The following NYAP1 variants were observed in gnomAD, a reference collection of about 807,000 sequenced individuals.
NYAP1 encodes neuronal tyrosine-phosphorylated phosphoinositide-3-kinase adapter 1.
NYAP1 carries 20 observed loss-of-function variants against 58.6 expected under a neutral mutation model. The ratio of observed to expected loss-of-function variants is 0.34; its 90% confidence interval spans 0.24 to 0.50. NYAP1 has a LOEUF of 0.50. NYAP1 is among the 20% of genes least tolerant of loss of function. The pLI is 0.98. For missense variants in NYAP1, 1,150 were observed against 1,194.5 expected (o/e 0.96, Z 0.55); for synonymous variants, 572 against 523.1 (o/e 1.09, Z -1.27).
At position 100,490,137 on chromosome 7, in the gene NYAP1, C is replaced by A. The variant is rs901660858; in HGVS notation, c.1946-380C>A. Among the ~76,000 whole-genome samples the A allele has an allele frequency of 6.6e-6, 1 of 152,274 alleles. No individual in the cohort carries two copies. The highest frequency in any genetic ancestry group is 2.4e-5 in the African/African-American group (1 of 41,548). ...GCAGCCCTTCCCCCCAGCGCTCCCC[C>A]TTCTGGGCTCAGGAATTGGGATTCT... On this transcript the variant is annotated intron_variant, in intron 4 of 6. Coordinates refer to ENST00000300179, the MANE Select transcript of NYAP1 (RefSeq NM_173564.4). The surrounding 1 kb of genome is among the most constrained non-coding windows in gnomAD (Gnocchi z 4.6).
At position 100,493,760 on chromosome 7, in the gene NYAP1, G is replaced by A; in HGVS notation, c.2383G>A (p.Ala795Thr). Residue 795 changes from alanine to threonine, a missense_variant, in exon 7 of 7, where the codon GCG becomes ACG. By Grantham distance (58) the Ala-to-Thr change is moderately conservative (BLOSUM62 0). Transcript: ENST00000300179. The stretch of plus-strand genomic sequence containing the variant: ...GCGCTGCGTGTGCAAGGAGATCAAG[G>A]CGCGCCACCGCCCGGACCGAGGCCT... ...RKRCVCKEIK[A>T]RHRPDRGLCK... 1 of 1,605,752 alleles carries A rather than the reference G, an allele frequency of 6.2e-7. No homozygotes were observed.
In NYAP1 at chr7:100,494,302, T is replaced by G; in HGVS notation, c.*399T>G. On this transcript the variant is annotated 3_prime_UTR_variant, in exon 7 of 7. Transcript: ENST00000300179. The stretch of plus-strand genomic sequence containing the variant: ...AGTGCCAGATGGAGGAGCTCTTTTC[T>G]AGAGAGCCGGGAGTTGGGGAGGGGG... The G allele has an allele frequency of 2.2e-5, 4 of 178,342 alleles. No homozygotes were observed. Among genetic ancestry groups the G allele is most frequent in the Non-Finnish European group, 4.6e-5 (4 of 86,348 alleles). 11.0% of individuals were successfully genotyped at this position (178,342 alleles called of 1,614,324 possible).
rs755674246 is a variant in NYAP1, at chr7:100,493,780, A to T, written c.2403A>T (p.Arg801=). Residue 801 remains arginine (R), a synonymous_variant, in exon 7 of 7, where the codon CGA becomes CGT. Coordinates refer to ENST00000300179, the MANE Select transcript of NYAP1 (RefSeq NM_173564.4). ...TCAAGGCGCGCCACCGCCCGGACCG[A>T]GGCCTCTGCAAGCAGGAGAGCATGC... ...KEIKARHRPD[R]GLCKQESMPI... The T allele has an allele frequency of 6.2e-7, 1 of 1,605,318 alleles. No homozygotes were observed. Among genetic ancestry groups the T allele is most frequent in the South Asian group, 1.1e-5 (1 of 90,420 alleles).
chr7:100,489,823 TAGAC>T (rs1037048692), intron 4 of NYAP1, among the ~76,000 whole-genome samples, 157 bp downstream of exon 4: 16 of 151,768 alleles, frequency 1.1e-4, no homozygotes, highest in East Asian at 5.8e-4. Flanking sequence ...GGGTGGGCGA[TAGAC>T]AGAAAGACCG....
chr7:100,487,053 G>T lies in NYAP1; in HGVS notation c.301G>T (p.Ala101Ser). The change falls in exon 3 of 7, where the codon GCC (alanine) becomes TCC (serine). Residue 101 changes from alanine (A) to serine (S), a missense_variant. Transcript: ENST00000300179. The surrounding 1 kb of genome is among the most constrained non-coding windows in gnomAD (Gnocchi z 4.1). ...CAGTGTCGGGGGTGGCCCTGGCGGGGCCAGTGGGGGCCTCACAGAGGACAG... is the reference window on the plus strand; with the variant it reads ...CAGTGTCGGGGGTGGCCCTGGCGGGTCCAGTGGGGGCCTCACAGAGGACAG... ...MDSVGGGPGG[A>S]SGGLTEDSST... is the part of the protein sequence containing the mutation. 6.2e-7 allele frequency: 1 copy of T among 1,600,850 alleles called. No homozygotes were observed.
At position 100,490,710 on chromosome 7, in the gene NYAP1, C is replaced by T. The variant is rs151023536; in HGVS notation, c.2139C>T (p.Pro713=). ...TGCCCATTCCCTGCCAGACCTTCCC[C>T]GCCTGCCACCGCAATGGAGGTGACG... ...TALPIPCQTF[P]ACHRNGDFTG... Residue 713 remains proline (P), a synonymous_variant, in exon 5 of 7, where the codon CCC becomes CCT. Transcript: ENST00000300179. This position sits in a 1 kb window ranked among gnomAD's most constrained non-coding sequence, Gnocchi z 4.6. The T allele has an allele frequency of 5.1e-4, 775 of 1,516,044 alleles. 4 individuals carry two copies. The African/African-American group carries it at 9.3e-3, about 18-fold the overall frequency. The allele number at this position is 1,516,044 out of a possible 1,614,324, so 93.9% of individuals were successfully genotyped here. A position where few individuals can be genotyped will look rare whatever the true frequency, so the allele number is the denominator to read the frequency against.
rs141533724 is a variant in NYAP1 at position 100,488,528 on chromosome 7, G to C, written c.807G>C (p.Pro269=). Residue 269 remains proline, a synonymous_variant, in exon 4 of 7, where the codon CCG becomes CCC. Transcript: ENST00000300179. The surrounding 1 kb of genome is among the most constrained non-coding windows in gnomAD (Gnocchi z 5.9). ...ATGAAGAGATGAAGTACCCGCTGCCGGAAGAGGCTGGGGAAGGCCGGGCCA... is the reference window on the plus strand; with the variant it reads ...ATGAAGAGATGAAGTACCCGCTGCCCGAAGAGGCTGGGGAAGGCCGGGCCA... ...AIYEEMKYPL[P]EEAGEGRANG... is the part of the protein sequence containing the mutation. 15 of 1,612,242 alleles carry C rather than the reference G, an allele frequency of 9.3e-6. No individual in the cohort carries two copies. The highest frequency in any genetic ancestry group is 1.0e-5 in the Non-Finnish European group (12 of 1,179,828).
chr7:100,493,803 T>C lies in NYAP1; in HGVS notation c.2426T>C (p.Met809Thr), dbSNP rs2131071521. Residue 809 changes from methionine to threonine, a missense_variant, in exon 7 of 7, where the codon ATG becomes ACG. Met to Thr is a moderately conservative substitution (Grantham distance 81). Transcript: ENST00000300179. ...CGAGGCCTCTGCAAGCAGGAGAGCA[T>C]GCCCATCCTCCCCAGCTGGCGGCGG... ...PDRGLCKQES[M>T]PILPSWRRGP... 6 of 1,598,864 alleles carry C rather than the reference T, an allele frequency of 3.8e-6. No homozygotes were observed. Among genetic ancestry groups the C allele is most frequent in the Non-Finnish European group, 5.1e-6 (6 of 1,175,590 alleles).
chr7:100,490,926 G>A lies in NYAP1; in HGVS notation c.2159-60G>A, dbSNP rs1799787243. ...GGACCATTCAAGGGCAGGGGACTGG[G>A]AACTAGGGGAGGGGTACCTGAGGCC... On this transcript the variant is annotated intron_variant, in intron 5 of 6. Coordinates refer to ENST00000300179, the MANE Select transcript of NYAP1 (RefSeq NM_173564.4). This position sits in a 1 kb window ranked among gnomAD's most constrained non-coding sequence, Gnocchi z 4.6. 13 of 1,199,564 alleles carry A rather than the reference G, an allele frequency of 1.1e-5. 1 individual carries two copies. In the South Asian group the frequency reaches 1.7e-4, roughly 16 times the overall value. The allele number at this position is 1,199,564 out of a possible 1,614,324, so 74.3% of individuals were successfully genotyped here.
intron 6 of NYAP1, 36 bp from the exon 7 acceptor site, chr7:100,493,610 A>ACCCGC (rs1298517386): frequency 2.0e-6 from 3 of 1,530,296 alleles, no homozygotes; most frequent in Non-Finnish European, 2.6e-6. Flanking sequence ...CCCCGACCTT[A>ACCCGC]CCCGCGTTTT....
In NYAP1 at chr7:100,487,530, C is replaced by G. The variant is rs983457777; in HGVS notation, c.430+348C>G. 6.6e-6 allele frequency among the ~76,000 whole-genome samples: 1 copy of G among 151,794 alleles called. No individual in the cohort carries two copies. Among genetic ancestry groups the G allele is most frequent in the South Asian group, 2.1e-4 (1 of 4,788 alleles). ...CACTTTTTTTTTTTTGAGACAGAGTCTCGCTCTGTTGCCCAGGCAGGAGTG... is the reference window on the plus strand; with the variant it reads ...CACTTTTTTTTTTTTGAGACAGAGTGTCGCTCTGTTGCCCAGGCAGGAGTG... On this transcript the variant is annotated intron_variant, in intron 3 of 6. Coordinates refer to ENST00000300179, the MANE Select transcript of NYAP1 (RefSeq NM_173564.4). This position sits in a 1 kb window ranked among gnomAD's most constrained non-coding sequence, Gnocchi z 4.1.
chr7:100,491,029 C>CGGA lies in NYAP1; in HGVS notation c.2204_2206dup (p.Gly735dup). 6.4e-7 allele frequency: 1 copy of CGGA among 1,559,206 alleles called. No homozygotes were observed. The highest frequency in any genetic ancestry group is 8.7e-7 in the Non-Finnish European group (1 of 1,151,360). ...GCCTGGGGCGCTCCGCCTCCACCTC[C>CGGA]GGAGTCCGGCAGGTCGTGCTCCACA... On this transcript the variant is annotated inframe_insertion, in exon 6 of 7. Transcript: ENST00000300179.
rs1563190820 is a variant in NYAP1 at position 100,493,907 on chromosome 7, G to A, written c.*4G>A. 1 of 1,439,022 alleles carries A rather than the reference G, an allele frequency of 6.9e-7. No homozygotes were observed. The highest frequency in any genetic ancestry group is 9.1e-7 in the Non-Finnish European group (1 of 1,102,046). 89.1% of individuals were successfully genotyped at this position (1,439,022 alleles called of 1,614,324 possible). ...CCTCTGGGACACCGCCATCTGAGGC[G>A]GGCGGGGGGGTACCGGGGCGCCTGG... On this transcript the variant is annotated 3_prime_UTR_variant, in exon 7 of 7. Coordinates refer to ENST00000300179, the MANE Select transcript of NYAP1 (RefSeq NM_173564.4).
chr7:100,489,568 A>T lies in NYAP1; in HGVS notation c.1847A>T (p.Glu616Val). 6.2e-7 allele frequency: 1 copy of T among 1,613,068 alleles called. No homozygotes were observed. Among genetic ancestry groups the T allele is most frequent in the South Asian group, 1.1e-5 (1 of 91,060 alleles). The change falls in exon 4 of 7, where the codon GAG (glutamate) becomes GTG (valine). Residue 616 changes from glutamate to valine, a missense_variant. By Grantham distance (121) the Glu-to-Val change is moderately radical (BLOSUM62 -2). Transcript: ENST00000300179. ...AHVIASAGTP[E>V]EEEEEVGAAT... ...GTCATCGCCAGCGCAGGGACACCAG[A>T]GGAGGAAGAAGAGGAGGTGGGCGCC...
At position 100,485,496 on chromosome 7, in the gene NYAP1, G is replaced by C; in HGVS notation, c.68+117G>C. Reference sequence around the variant, plus strand: ...GTCATGAGTGAGCTCTCTGATCTCAGAGTCAGTACGGAATGGCCAGGATTG... The same window carrying C: ...GTCATGAGTGAGCTCTCTGATCTCACAGTCAGTACGGAATGGCCAGGATTG... On this transcript the variant is annotated intron_variant, in intron 2 of 6. Coordinates refer to ENST00000300179, the MANE Select transcript of NYAP1 (RefSeq NM_173564.4). The surrounding 1 kb of genome is among the most constrained non-coding windows in gnomAD (Gnocchi z 5.7). 2.6e-6 allele frequency: 2 copies of C among 758,410 alleles called. No homozygotes were observed. 47.0% of individuals were successfully genotyped at this position (758,410 alleles called of 1,614,324 possible).
rs1371451867 is a variant in NYAP1 at position 100,491,063 on chromosome 7, C to A, written c.2236C>A (p.Pro746Thr). The change falls in exon 6 of 7, where the codon CCC becomes ACC. Residue 746 changes from proline to threonine, a missense_variant. Transcript: ENST00000300179. The part of the protein sequence containing the change: ...VRQVVLHTPR[P>T]CSQPRDALSQ... ...GCAGGTCGTGCTCCACACACCCCGGCCCTGCAGCCAGCCCAGGGATGCCCT... is the reference window on the plus strand; with the variant it reads ...GCAGGTCGTGCTCCACACACCCCGGACCTGCAGCCAGCCCAGGGATGCCCT... The A allele has an allele frequency of 6.4e-7, 1 of 1,559,252 alleles. No individual in the cohort carries two copies. The highest frequency in any genetic ancestry group is 8.7e-7 in the Non-Finnish European group (1 of 1,151,226).
At chr7:100,491,908 G>C (rs903156215) in intron 6 of NYAP1, among the ~76,000 whole-genome samples, 1 of 152,168 alleles carries the variant, frequency 6.6e-6, no homozygotes, top group Non-Finnish European at 1.5e-5. Flanking sequence ...TTAGCCGGGC[G>C]TGGTAGCGCA....
In NYAP1 at chr7:100,489,514, G is replaced by T; in HGVS notation, c.1793G>T (p.Gly598Val). The T allele has an allele frequency of 6.2e-7, 1 of 1,613,470 alleles. No individual in the cohort carries two copies. Among genetic ancestry groups the T allele is most frequent in the Non-Finnish European group, 8.5e-7 (1 of 1,179,994 alleles). The change falls in exon 4 of 7, where the codon GGT (glycine) becomes GTT (valine). Residue 598 changes from glycine (G) to valine (V), a missense_variant. By Grantham distance (109) the Gly-to-Val change is moderately radical. Transcript: ENST00000300179. Reference sequence around the variant, plus strand: ...CTGCAGGAGCAAGGGACCGATGGGGGTGCTTTTGCCAGCATCTCCTGTGCC... The same window carrying T: ...CTGCAGGAGCAAGGGACCGATGGGGTTGCTTTTGCCAGCATCTCCTGTGCC... ...IQLQEQGTDGGAFASISCAHV... is the reference protein window; with the variant it reads ...IQLQEQGTDGVAFASISCAHV...
Position 100,485,429 on chromosome 7 carries a change from CCCCT to C in NYAP1, c.68+52_68+55del. The C allele has an allele frequency of 7.0e-7, 1 of 1,428,434 alleles. No homozygotes were observed. Among genetic ancestry groups the C allele is most frequent in the Non-Finnish European group, 9.7e-7 (1 of 1,034,196 alleles). 88.5% of individuals were successfully genotyped at this position (1,428,434 alleles called of 1,614,324 possible). The stretch of plus-strand genomic sequence containing the variant: ...CCTTCCCTTCCGCACCTCTGCCTGC[CCCCT>C]CACTGGGCCACAGCCCTTCTCGGGG... On this transcript the variant is annotated intron_variant, in intron 2 of 6. Transcript: ENST00000300179. The surrounding 1 kb of genome is among the most constrained non-coding windows in gnomAD (Gnocchi z 5.7).
Sources: gnomAD v4.1 joint callset for allele counts (sites outside exome capture counted in the v4.1 genomes callset) on GRCh38, gnomAD v4.1.1 for gene constraint, Gnocchi (gnomAD v3.1) non-coding constraint, MANE v1.5 for transcripts, NCBI Gene and HGNC (gene_info 2026-07-23, HGNC 2026-07-21) for gene names.